The following NR3C1 variants were observed in gnomAD, a reference collection of about 807,000 sequenced individuals.
NR3C1 encodes nuclear receptor subfamily 3 group C member 1.
In NR3C1, 14 loss-of-function variants were observed where a neutral mutation model predicts 74.0. The ratio of observed to expected loss-of-function variants is 0.19; its 90% CI spans 0.12 to 0.30. The LOEUF (loss-of-function observed/expected upper bound fraction) is 0.30. NR3C1 is among the 10% of genes least tolerant of loss of function. The pLI is 1.00. For missense variants in NR3C1, 695 were observed against 909.8 expected, an observed-to-expected ratio of 0.76 and a Z score of 3.04; for synonymous variants, 308 against 332.5, an observed-to-expected ratio of 0.93 and a Z score of 0.80.
intron 1 of NR3C1, among the ~76,000 whole-genome samples, chr5:143,410,303 T>A (rs909638977): frequency 1.3e-5 from 2 of 152,208 alleles, no homozygotes; most frequent in African/African-American, 4.8e-5. Flanking sequence ...GGTTCTTATA[T>A]CTTCTTATTA....
At chr5:143,428,078 C>T (rs1348523071) in intron 1 of NR3C1, among the ~76,000 whole-genome samples, 1 of 152,124 alleles carries the variant, frequency 6.6e-6, no homozygotes, top group Non-Finnish European at 1.5e-5. Flanking sequence ...ATATGTTAAT[C>T]ACCTGAACTT....
chr5:143,336,460 G>A (rs1827138188), intron 2 of NR3C1, among the ~76,000 whole-genome samples: 2 of 152,094 alleles, frequency 1.3e-5, no homozygotes, highest in Admixed American at 6.5e-5. Flanking sequence ...GATCTGTTAA[G>A]TCACCAGTGG....
chr5:143,408,517 T>G (rs1841190876), upstream of NR3C1, among the ~76,000 whole-genome samples: 1 of 150,704 alleles, frequency 6.6e-6, no homozygotes, highest in Non-Finnish European at 1.5e-5. Context: ...ATACTGAAAG[T>G]GTTTTAGATT....
At chr5:143,378,810 C>T (rs1835678310) in intron 2 of NR3C1, among the ~76,000 whole-genome samples, 2 of 152,170 alleles carry the variant, frequency 1.3e-5, no homozygotes, top group Admixed American at 1.3e-4. Context: ...TAAAAGCAGT[C>T]ATCTTTCAAT....
chr5:143,313,226 TAG>T (rs1476961394), intron 3 of NR3C1, among the ~76,000 whole-genome samples: 1 of 152,238 alleles, frequency 6.6e-6, no homozygotes, highest in African/African-American at 2.4e-5. Context: ...TAGGACATTT[TAG>T]ACTCTCTTCT....
intron 2 of NR3C1, among the ~76,000 whole-genome samples, chr5:143,343,634 T>C (rs987494258): frequency 6.6e-6 from 1 of 152,238 alleles, no homozygotes; most frequent in Non-Finnish European, 1.5e-5. Context: ...TCCATATCCC[T>C]AACCATCAGA....
At chr5:143,286,275 T>A (rs186515503) in intron 7 of NR3C1, among the ~76,000 whole-genome samples, 11 of 152,146 alleles carry the variant, frequency 7.2e-5, no homozygotes, top group Admixed American at 6.6e-4. Flanking sequence ...TTACCAAACG[T>A]TTAAGAAAGA....
chr5:143,403,804 A>C, upstream of NR3C1: 1 of 975,880 alleles, frequency 1.0e-6, no homozygotes, highest in Non-Finnish European at 1.2e-6. Flanking sequence ...ACGCTTGGCA[A>C]CTGCAGGGGC....
intron 2 of NR3C1, among the ~76,000 whole-genome samples, chr5:143,330,146 T>C (rs1371424586): frequency 2.0e-5 from 3 of 152,324 alleles, no homozygotes; most frequent in Admixed American, 1.3e-4. Flanking sequence ...AAGTAACGTG[T>C]CTCTTCTAAA....
At chr5:143,418,582 A>G (rs1751044118) in intron 1 of NR3C1, among the ~76,000 whole-genome samples, 1 of 152,164 alleles carries the variant, frequency 6.6e-6, no homozygotes, top group South Asian at 2.1e-4. Flanking sequence ...ATAGAGGTAA[A>G]TAAGGTATGG....
At chr5:143,407,504 C>T (rs934730142), upstream of NR3C1, 3 of 152,182 alleles carry the variant, frequency 2.0e-5, no homozygotes, top group Non-Finnish European at 4.4e-5. Context: ...TGTTATTTCT[C>T]TGTATCACCC....
At chr5:143,392,862 T>C (rs1331280330) in intron 2 of NR3C1, among the ~76,000 whole-genome samples, 2 of 152,204 alleles carry the variant, frequency 1.3e-5, no homozygotes, top group African/African-American at 4.8e-5. Context: ...AATCAACTAT[T>C]TGTTCCAGAT....
chr5:143,295,311 A>C, intron 7 of NR3C1, 149 bp downstream of exon 7: 1 of 1,381,690 alleles, frequency 7.2e-7, no homozygotes, highest in Non-Finnish European at 9.4e-7. Context: ...GTGCCTTTCT[A>C]ATATTTTACA....
At chr5:143,367,267 T>C (rs1490429748) in intron 2 of NR3C1, among the ~76,000 whole-genome samples, 1 of 152,094 alleles carries the variant, frequency 6.6e-6, no homozygotes, top group Non-Finnish European at 1.5e-5. Flanking sequence ...AAAGGAACAT[T>C]CTCAATCTGA....
chr5:143,394,455 G>T (rs1249377757), intron 2 of NR3C1, among the ~76,000 whole-genome samples: 1 of 151,826 alleles, frequency 6.6e-6, no homozygotes, highest in African/African-American at 2.4e-5. Context: ...AAAGAAAAGG[G>T]TTGCTCTCCA....
At chr5:143,340,665 T>C (rs776005042) in intron 2 of NR3C1, among the ~76,000 whole-genome samples, 8 of 151,790 alleles carry the variant, frequency 5.3e-5, no homozygotes, top group Non-Finnish European at 7.4e-5. Context: ...GTATTTTTAG[T>C]AGAGACAGGG....
At chr5:143,359,788 G>C (rs1205618831) in intron 2 of NR3C1, among the ~76,000 whole-genome samples, 1 of 151,960 alleles carries the variant, frequency 6.6e-6, no homozygotes, top group Non-Finnish European at 1.5e-5. Context: ...CATGGTGGCA[G>C]GCACCTGTAA....
Position 143,403,375 on chromosome 5 carries a change from C to A in NR3C1, c.-178G>T. 2 of 985,444 alleles carry A rather than the reference C, an allele frequency of 2.0e-6. No homozygotes were observed. Among genetic ancestry groups the A allele is most frequent in the Non-Finnish European group, 2.4e-6 (2 of 829,962 alleles). The allele number at this position is 985,444 out of a possible 1,614,324, so 61.0% of individuals were successfully genotyped here. A position where few individuals can be genotyped will look rare whatever the true frequency, so the allele number is the denominator to read the frequency against. ...CTTTCTCCATGGGTGGGGGGAGAGC[C>A]CCTATTTAAGAAAGTCTCCCATTGC... is the stretch of plus-strand genomic sequence containing the variant. On this transcript the variant is annotated 5_prime_UTR_variant, in exon 1 of 9. Coordinates refer to ENST00000394464, the MANE Select transcript of NR3C1 (RefSeq NM_000176.3).
intron 2 of NR3C1, among the ~76,000 whole-genome samples, chr5:143,396,284 CTCA>C (rs1600567928): frequency 6.6e-6 from 1 of 151,640 alleles, no homozygotes; most frequent in Non-Finnish European, 1.5e-5. Context: ...AAATAAGATT[CTCA>C]TCATAAAGCT....
Sources: gnomAD v4.1 joint callset for allele counts (sites outside exome capture counted in the v4.1 genomes callset) on GRCh38, gnomAD v4.1.1 for gene constraint, MANE v1.5 for transcripts, NCBI Gene and HGNC (gene_info 2026-07-23, HGNC 2026-07-21) for gene names.